DNAH3: variants seen among roughly 807,000 people sequenced by gnomAD.
DNAH3 encodes the protein dynein axonemal heavy chain 3, also known as axonemal beta dynein heavy chain 3.
DNAH3 carries 332 observed loss-of-function variants against 432.5 expected under a neutral mutation model. The ratio of observed to expected loss-of-function variants is 0.77; its 90% CI spans 0.70 to 0.84. DNAH3 has a LOEUF of 0.84. Among genes scored for constraint, DNAH3 ranks in the 40% least tolerant of loss-of-function variants. The pLI is 0.00. For synonymous variants in DNAH3, 1,956 were observed against 1,900.2 expected (o/e 1.03, Z -0.76); for missense variants, 4,861 against 5,114.0 (o/e 0.95, Z 1.51).
chr16:21,082,450 C>T (rs574793485), intron 19 of DNAH3, among the ~76,000 whole-genome samples: 2 of 152,270 alleles, frequency 1.3e-5, no homozygotes, highest in Admixed American at 1.3e-4. Flanking sequence ...AATCCTCGCA[C>T]CTTGATCTCC....
intron 14 of DNAH3, among the ~76,000 whole-genome samples, chr16:21,107,510 G>A (rs150834745): frequency 8.5e-4 from 130 of 152,146 alleles, no homozygotes; most frequent in African/African-American, 3.0e-3. Context: ...AAAGTGCTGG[G>A]ATTACAGGCA....
At chr16:21,011,057 G>A (rs1044852940) in intron 41 of DNAH3, among the ~76,000 whole-genome samples, 3 of 152,080 alleles carry the variant, frequency 2.0e-5, no homozygotes, top group Non-Finnish European at 4.4e-5. Context: ...TGAGGCCATC[G>A]TTGTGGACAG....
In DNAH3 at chr16:21,087,408, T is replaced by A. The variant is rs180830356; in HGVS notation, c.2666-348A>T. ...TTTGTTTTGTTTTGTTTTTGACCAG[T>A]TGCAATGGCTTACACTTGTAATCCC... On this transcript the variant is annotated intron_variant, in intron 18 of 61. Coordinates refer to ENST00000261383, the Ensembl canonical transcript of DNAH3. Among the ~76,000 whole-genome samples, 11 of 152,260 alleles carry A rather than the reference T, an allele frequency of 7.2e-5. No individual in the cohort carries two copies. The East Asian group carries it at 2.1e-3, about 29-fold the overall frequency.
At chr16:21,066,922 C>T (rs1188691152) in intron 24 of DNAH3, among the ~76,000 whole-genome samples, 1 of 152,138 alleles carries the variant, frequency 6.6e-6, no homozygotes, top group Admixed American at 6.6e-5. Context: ...GAACCTGAGG[C>T]TTGGATAGAT....
At chr16:21,104,328 C>A in intron 16 of DNAH3, 143 bp downstream of exon 16, 1 of 705,394 alleles carries the variant, frequency 1.4e-6, no homozygotes, top group Admixed American at 2.1e-5. Flanking sequence ...AAAGGAAATG[C>A]CTTCTCCACC....
chr16:20,964,602 G>A (rs1455635866), exon 53 of DNAH3: 1 of 1,614,124 alleles, frequency 6.2e-7, no homozygotes, highest in Non-Finnish European at 8.5e-7. Flanking sequence ...CCTTCTCCAT[G>A]TTCTTAATCC....
chr16:21,155,991 T>C (rs190140578), intron 1 of DNAH3, among the ~76,000 whole-genome samples: 9 of 152,206 alleles, frequency 5.9e-5, no homozygotes, highest in African/African-American at 1.9e-4. Context: ...TCTGGGTGGC[T>C]TATAAACAAG....
chr16:21,145,391 T>C, exon 3 of DNAH3: 1 of 1,614,074 alleles, frequency 6.2e-7, no homozygotes, highest in Non-Finnish European at 8.5e-7. Flanking sequence ...GGGTAAAAGC[T>C]GTGTGACATG....
intron 8 of DNAH3, 127 bp downstream of exon 9, chr16:21,127,560 C>CAAAA: frequency 1.1e-6 from 1 of 951,614 alleles, no homozygotes; most frequent in Non-Finnish European, 1.5e-6. Context: ...GACTCTGTCT[C>CAAAA]AAAAAAAAAA....
At chr16:21,142,328 T>C (rs568431571) in intron 3 of DNAH3, among the ~76,000 whole-genome samples, 5 of 152,112 alleles carry the variant, frequency 3.3e-5, no homozygotes, top group Non-Finnish European at 5.9e-5. Context: ...GATAGCACCA[T>C]TGCACTCCAG....
At chr16:21,101,671 G>C (rs938758254) in intron 16 of DNAH3, among the ~76,000 whole-genome samples, 3 of 152,204 alleles carry the variant, frequency 2.0e-5, no homozygotes, top group African/African-American at 7.2e-5. Flanking sequence ...GCATCAGAGG[G>C]AAGCCATTAG....
intron 52 of DNAH3, 72 bp from the exon 53 acceptor site, chr16:20,965,497 C>T: frequency 7.6e-7 from 1 of 1,308,208 alleles, no homozygotes; most frequent in Non-Finnish European, 1.0e-6. Context: ...GCAGTGGTTA[C>T]TGCTGGTATT....
intron 54 of DNAH3, among the ~76,000 whole-genome samples, chr16:20,955,515 G>A (rs922371844): frequency 4.6e-5 from 7 of 151,052 alleles, no homozygotes; most frequent in African/African-American, 7.3e-5. Context: ...GCCCAGGCTG[G>A]TCTCGAACTC....
intron 29 of DNAH3, among the ~76,000 whole-genome samples, chr16:21,050,611 C>T (rs2089914350): frequency 6.6e-6 from 1 of 152,008 alleles, no homozygotes; most frequent in South Asian, 2.1e-4. Flanking sequence ...AGTTAATTTT[C>T]ATATTTTTTG....
chr16:21,101,370 GTA>G (rs1159157931), intron 16 of DNAH3, among the ~76,000 whole-genome samples: 2 of 152,070 alleles, frequency 1.3e-5, no homozygotes, highest in Non-Finnish European at 2.9e-5. Flanking sequence ...ATGTGTGTGT[GTA>G]TATATGTAAA....
intron 1 of DNAH3, among the ~76,000 whole-genome samples, chr16:21,148,502 A>G (rs746326004): frequency 6.6e-6 from 1 of 151,624 alleles, no homozygotes; most frequent in Non-Finnish European, 1.5e-5. Context: ...CAGTGACACA[A>G]TCTTGGCTCA....
At chr16:21,069,510 T>C (rs377479865) in exon 23 of DNAH3, 16 of 1,613,998 alleles carry the variant, frequency 9.9e-6, no homozygotes, top group Non-Finnish European at 1.1e-5. Flanking sequence ...GAACTGAAGA[T>C]TGGTTCCAGG....
chr16:21,062,768 G>A (rs1302373547), intron 24 of DNAH3, 85 bp from the exon 25 acceptor site: 8 of 1,007,848 alleles, frequency 7.9e-6, no homozygotes, highest in East Asian at 7.6e-5. Context: ...CAGGTAGTCC[G>A]CACCTACGTG....
intron 32 of DNAH3, among the ~76,000 whole-genome samples, chr16:21,040,422 T>TG (rs2089389058): frequency 7.4e-6 from 1 of 135,668 alleles, no homozygotes; most frequent in Non-Finnish European, 1.5e-5. Flanking sequence ...TGGAGGGCAG[T>TG]GGCACGATCT....
Sources: gnomAD v4.1 joint callset for allele counts (sites outside exome capture counted in the v4.1 genomes callset) on GRCh38, gnomAD v4.1.1 for gene constraint, MANE v1.5 for transcripts, NCBI Gene and HGNC (gene_info 2026-07-23, HGNC 2026-07-21) for gene names.